Variants in ACIN1 observed in about 807,000 individuals in gnomAD.
ACIN1 encodes apoptotic chromatin condensation inducer 1.
Under a neutral mutation model 146.6 loss-of-function variants are expected in ACIN1, and 16 were observed. The ratio of observed to expected loss-of-function variants is 0.11; its 90% CI spans 0.07 to 0.17. ACIN1 has a LOEUF of 0.17. Ranked by LOEUF, ACIN1 falls within the 10% of genes least tolerant of loss-of-function variation. The pLI is 1.00. For synonymous variants in ACIN1, 569 were observed against 582.7 expected, an observed-to-expected ratio of 0.98 and a Z score of 0.34; for missense variants, 1,357 against 1,609.3, an observed-to-expected ratio of 0.84 and a Z score of 2.68.
chr14:23,062,593 A>C, intron 14 of ACIN1, 70 bp from the exon 15 acceptor site: 1 of 1,410,156 alleles, frequency 7.1e-7, no homozygotes, highest in Non-Finnish European at 1.0e-6. Context: ...AGATTTCCCG[A>C]GCTGCTGTCA....
intron 1 of ACIN1, 59 bp downstream of exon 1, chr14:23,094,916 G>A: frequency 2.0e-6 from 3 of 1,508,564 alleles, no homozygotes; most frequent in Non-Finnish European, 2.6e-6. Context: ...CGCCGCGGCA[G>A]AGGCTCGTCT....
chr14:23,078,203 A>C lies in ACIN1; in HGVS notation c.2071T>G (p.Ser691Ala). 8.1e-6 allele frequency: 13 copies of C among 1,614,102 alleles called. No homozygotes were observed. The highest frequency in any genetic ancestry group is 1.1e-5 in the Non-Finnish European group (13 of 1,180,010). ...EPPAATQPQT[S>A]ETQTSHLPES... ...GGCAGATGAGAGGTCTGAGTCTCTG[A>C]GGTTTGGGGCTGTGTGGCAGCTGGT... The change falls in exon 8 of 19, where the codon TCA (serine) becomes GCA (alanine). Residue 691 changes from serine to alanine, a missense_variant. Coordinates refer to ENST00000605057, the MANE Select transcript of ACIN1 (RefSeq NM_001386863.1).
At chr14:23,064,746 A>C in intron 10 of ACIN1, 2 of 391,920 alleles carry the variant, frequency 5.1e-6, no homozygotes, top group Non-Finnish European at 9.4e-6. Flanking sequence ...AAAATACAAA[A>C]ATTAGCCAGG....
In ACIN1 at chr14:23,079,535, T is replaced by C. The variant is rs768268126; in HGVS notation, c.1788+12A>G. Reference sequence around the variant, plus strand: ...CAGAACATTAATACACCCGGGATTCTCTCATACTCACTTTTCTGCTGTTGC... The same window carrying C: ...CAGAACATTAATACACCCGGGATTCCCTCATACTCACTTTTCTGCTGTTGC... On this transcript the variant is annotated intron_variant, in intron 6 of 18. Coordinates refer to ENST00000605057, the MANE Select transcript of ACIN1 (RefSeq NM_001386863.1). 1.9e-6 allele frequency: 3 copies of C among 1,611,728 alleles called. No homozygotes were observed. Among genetic ancestry groups the C allele is most frequent in the Middle Eastern group, 1.7e-4 (1 of 6,054 alleles).
intron 8 of ACIN1, among the ~76,000 whole-genome samples, chr14:23,073,198 G>C (rs2047709400): frequency 6.6e-6 from 1 of 152,188 alleles, no homozygotes; most frequent in Non-Finnish European, 1.5e-5. Flanking sequence ...TATAATAACT[G>C]CTACTTTATC....
chr14:23,070,728 A>G (rs2047614436), intron 8 of ACIN1, among the ~76,000 whole-genome samples: 1 of 152,066 alleles, frequency 6.6e-6, no homozygotes, highest in African/African-American at 2.4e-5. Context: ...CAGGCCGATA[A>G]CCACCACCAG....
At chr14:23,069,207 T>G in intron 9 of ACIN1, 1 of 1,159,188 alleles carries the variant, frequency 8.6e-7, no homozygotes, top group Non-Finnish European at 1.1e-6. Flanking sequence ...TAAAGGGCCA[T>G]TATCAGACTT....
chr14:23,095,189 C>G (rs1424791187), upstream of ACIN1: 1 of 1,614,118 alleles, frequency 6.2e-7, no homozygotes, highest in African/African-American at 1.3e-5. Context: ...TTCGAACGTA[C>G]CGAGATGACC....
chr14:23,095,325 C>T (rs756424676), upstream of ACIN1: 12 of 1,557,152 alleles, frequency 7.7e-6, no homozygotes, highest in South Asian at 1.4e-4. Flanking sequence ...CTGCAGCGCC[C>T]CTTTTCTCGC....
At chr14:23,071,558 T>C in intron 8 of ACIN1, 1 of 1,549,510 alleles carries the variant, frequency 6.5e-7, no homozygotes, top group Non-Finnish European at 8.7e-7. Context: ...GGAGCCATCT[T>C]GCCACTTACC....
chr14:23,094,375 C>T, intron 1 of ACIN1: 1 of 629,500 alleles, frequency 1.6e-6, no homozygotes, highest in Non-Finnish European at 2.0e-6. Context: ...CAACCTGCCT[C>T]GCCTCTCTCA....
chr14:23,068,337 C>T lies in ACIN1; in HGVS notation c.2265+1139G>A, dbSNP rs1451053886. ...AAAAGGGCAAGGGCATGTGGGCAGG[C>T]GCCCCAGCACTGGCACAAGCTCTTC... On this transcript the variant is annotated intron_variant, in intron 9 of 18. Coordinates refer to ENST00000605057, the MANE Select transcript of ACIN1 (RefSeq NM_001386863.1). This position sits in a 1 kb window ranked among gnomAD's most constrained non-coding sequence, Gnocchi z 4.3. 8 of 985,828 alleles carry T rather than the reference C, an allele frequency of 8.1e-6. No homozygotes were observed. The highest frequency in any genetic ancestry group is 1.1e-4 in the East Asian group (1 of 8,826). The allele number at this position is 985,828 out of a possible 1,614,324, so 61.1% of individuals were successfully genotyped here.
At chr14:23,092,412 A>G (rs2048252628) in intron 2 of ACIN1, among the ~76,000 whole-genome samples, 1 of 152,244 alleles carries the variant, frequency 6.6e-6, no homozygotes, top group South Asian at 2.1e-4. Context: ...AAAGACTAAC[A>G]TGCAATGGGC....
chr14:23,078,029 A>G (rs2047843595), intron 8 of ACIN1, 122 bp downstream of exon 8: 4 of 844,806 alleles, frequency 4.7e-6, no homozygotes, highest in Non-Finnish European at 7.4e-6. Context: ...TTGTCCAGAT[A>G]AAGCTCTGCC....
chr14:23,094,923 G>C, intron 1 of ACIN1, 52 bp downstream of exon 1: 2 of 1,516,412 alleles, frequency 1.3e-6, no homozygotes, highest in East Asian at 2.3e-5. Flanking sequence ...GCAGAGGCTC[G>C]TCTCTACCGG....
At chr14:23,062,390 C>G (rs748232445) in intron 15 of ACIN1, 26 bp downstream of exon 15, 6 of 1,611,628 alleles carry the variant, frequency 3.7e-6, no homozygotes, top group Middle Eastern at 1.6e-4. Flanking sequence ...ATGCCATGAC[C>G]TATAGAATCA....
At chr14:23,069,648 G>GGGGGGGGGGGGGGGGGGGGGGC in intron 8 of ACIN1, 31 bp from the exon 9 acceptor site, 1 of 589,378 alleles carries the variant, frequency 1.7e-6, no homozygotes, top group Non-Finnish European at 3.2e-6. Flanking sequence ...TGGTGGGGGG[G>GGGGGGGGGGGGGGGGGGGGGGC]CGGGCAGAAA....
At chr14:23,062,680 G>GGAAGCACCACCACTC in intron 14 of ACIN1, 157 bp from the exon 15 acceptor site, 1 of 783,548 alleles carries the variant, frequency 1.3e-6, no homozygotes, top group Non-Finnish European at 2.1e-6. Flanking sequence ...AAGAGTGGTG[G>GGAAGCACCACCACTC]TGCTTCCCAG....
chr14:23,059,652 CCTTTTT>C (rs1416441762), intron 18 of ACIN1, among the ~76,000 whole-genome samples, 178 bp from the exon 19 acceptor site: 3 of 128,120 alleles, frequency 2.3e-5, no homozygotes, highest in African/African-American at 6.8e-5. Flanking sequence ...CTAGTTTCAG[CCTTTTT>C]TTTTTTTTTT....
Sources: gnomAD v4.1 joint callset for allele counts (sites outside exome capture counted in the v4.1 genomes callset) on GRCh38, gnomAD v4.1.1 for gene constraint, Gnocchi (gnomAD v3.1) non-coding constraint, MANE v1.5 for transcripts, NCBI Gene and HGNC (gene_info 2026-07-23, HGNC 2026-07-21) for gene names.